CRY2: variants seen among roughly 807,000 people sequenced by gnomAD.
CRY2 encodes cryptochrome-2.
A neutral mutation model predicts 69.5 loss-of-function variants in CRY2; 31 were observed. The observed-to-expected ratio is 0.45, with a 90% confidence interval of 0.34 to 0.60. The LOEUF (loss-of-function observed/expected upper bound fraction) is 0.60, where lower values mean the gene tolerates loss of function less well. Among genes scored for constraint, CRY2 ranks in the 20% least tolerant of loss-of-function variants. The pLI is 0.02. For synonymous variants in CRY2, 303 were observed against 312.2 expected (o/e 0.97, Z 0.31); for missense variants, 606 against 797.8 (o/e 0.76, Z 2.90).
At chr11:45,869,060 C>A (rs990430671) in intron 6 of CRY2, among the ~76,000 whole-genome samples, 1 of 152,214 alleles carries the variant, frequency 6.6e-6, no homozygotes, top group Admixed American at 6.5e-5. Context: ...GGTCTGATTT[C>A]TTAATTACCT....
chr11:45,856,178 G>A (rs2086237792), intron 2 of CRY2, 88 bp downstream of exon 2: 2 of 1,122,340 alleles, frequency 1.8e-6, no homozygotes, highest in East Asian at 4.8e-5. Context: ...TCCGACTGAG[G>A]GAATGGAAAC....
chr11:45,864,316 AATAAC>A (rs1454098718), intron 5 of CRY2, among the ~76,000 whole-genome samples: 1 of 152,204 alleles, frequency 6.6e-6, no homozygotes, highest in East Asian at 1.9e-4. Flanking sequence ...AAGAAAATTA[AATAAC>A]ATATTAAAGT....
At chr11:45,861,957 C>T (rs764016061) in intron 4 of CRY2, 103 bp from the exon 5 acceptor site, 76 of 963,784 alleles carry the variant, frequency 7.9e-5, no homozygotes, top group Non-Finnish European at 1.1e-4. Flanking sequence ...AGCACCGAGA[C>T]ACTGTGGTTC....
chr11:45,857,768 C>G (rs2086253329), intron 2 of CRY2, among the ~76,000 whole-genome samples: 2 of 152,170 alleles, frequency 1.3e-5, no homozygotes. Flanking sequence ...AATGAGTATT[C>G]AGTGATGTAA....
chr11:45,869,615 A>G lies in CRY2; in HGVS notation c.992A>G (p.Asn331Ser), dbSNP rs1278686046. The G allele has an allele frequency of 6.2e-7, 1 of 1,614,098 alleles. No homozygotes were observed. Among genetic ancestry groups the G allele is most frequent in the East Asian group, 2.2e-5 (1 of 44,900 alleles). ...NNPRFDRMEG[N>S]PICIQIPWDR... The stretch of plus-strand genomic sequence containing the variant: ...CCCAGGTTTGACCGCATGGAGGGGA[A>G]CCCCATCTGCATCCAGATCCCCTGG... Residue 331 changes from asparagine (N) to serine (S), a missense_variant, in exon 7 of 12, where the codon AAC becomes AGC. By Grantham distance (46) the Asn-to-Ser change is conservative. Around this residue, in one of 5 missense-constraint regions of CRY2, gnomAD observed 382 missense variants for 508.9 expected, o/e 0.75. Transcript: ENST00000616080.
chr11:45,877,464 C>T (rs1343307876), intron 11 of CRY2, among the ~76,000 whole-genome samples: 2 of 152,236 alleles, frequency 1.3e-5, no homozygotes, highest in Non-Finnish European at 2.9e-5. Flanking sequence ...CAGACTTATA[C>T]ACTTGGGTTC....
intron 5 of CRY2, 92 bp from the exon 6 acceptor site, chr11:45,867,520 C>A: frequency 6.5e-7 from 1 of 1,532,382 alleles, no homozygotes; most frequent in South Asian, 1.2e-5. Context: ...TGTTCTGTGA[C>A]CGTAGGCAGA....
At chr11:45,876,265 C>T (rs1442571506) in intron 11 of CRY2, among the ~76,000 whole-genome samples, 1 of 152,172 alleles carries the variant, frequency 6.6e-6, no homozygotes. Flanking sequence ...TTTCTAATGC[C>T]TCAGGCCTGT....
intron 4 of CRY2, 101 bp from the exon 5 acceptor site, chr11:45,861,959 C>T: frequency 1.0e-6 from 1 of 1,001,974 alleles, no homozygotes; most frequent in Admixed American, 2.4e-5. Flanking sequence ...CACCGAGACA[C>T]TGTGGTTCAA....
At chr11:45,847,330 C>T (rs1352178260), upstream of CRY2, 3 of 1,588,988 alleles carry the variant, frequency 1.9e-6, no homozygotes, top group South Asian at 1.1e-5. Flanking sequence ...GGGCCAATCG[C>T]CAGGTGGAAG....
chr11:45,856,110 G>C lies in CRY2; in HGVS notation c.324+20G>C, dbSNP rs2086237055. 1.3e-6 allele frequency: 2 copies of C among 1,578,998 alleles called. No individual in the cohort carries two copies. The highest frequency in any genetic ancestry group is 2.2e-5 in the South Asian group (2 of 90,310). ...TTCAAGGTAAGCGTGCAGAGCCCCA[G>C]AGAAGACAGTGAGATTCTGTCCCTG... is the stretch of plus-strand genomic sequence containing the variant. On this transcript the variant is annotated intron_variant, in intron 2 of 11. Coordinates refer to ENST00000616080, the MANE Select transcript of CRY2 (RefSeq NM_021117.5).
intron 2 of CRY2, among the ~76,000 whole-genome samples, chr11:45,857,718 GA>G (rs1204047541): frequency 6.6e-6 from 1 of 152,216 alleles, no homozygotes; most frequent in African/African-American, 2.4e-5. Context: ...AGGCTTCTTG[GA>G]GAAAATGTAA....
At chr11:45,869,922 G>C (rs1439095141) in intron 7 of CRY2, 105 bp downstream of exon 7, 1 of 1,516,418 alleles carries the variant, frequency 6.6e-7, no homozygotes, top group Non-Finnish European at 8.8e-7. Context: ...CTGGGTCCAG[G>C]AGATCCCCTC....
intron 5 of CRY2, 141 bp from the exon 6 acceptor site, chr11:45,867,471 G>A (rs937691388): frequency 1.8e-5 from 19 of 1,029,124 alleles, no homozygotes; most frequent in Admixed American, 7.2e-5. Context: ...TCTCAAAATC[G>A]GCTGGACAAG....
chr11:45,868,923 TG>T (rs1262308780), intron 6 of CRY2, among the ~76,000 whole-genome samples: 1 of 152,206 alleles, frequency 6.6e-6, no homozygotes, highest in Non-Finnish European at 1.5e-5. Context: ...CCACCACACC[TG>T]GCTGTATCTA....
intron 3 of CRY2, 126 bp downstream of exon 3, chr11:45,858,999 G>A: frequency 8.5e-7 from 1 of 1,176,272 alleles, no homozygotes; most frequent in Non-Finnish European, 1.2e-6. Flanking sequence ...GCATCTTCTA[G>A]AAGCTGGAGG....
Position 45,869,658 on chromosome 11 carries a change from C to G in CRY2, c.1035C>G (p.Ala345=), listed in dbSNP as rs148406434. The G allele has an allele frequency of 4.0e-5, 64 of 1,614,252 alleles. No homozygotes were observed. In the African/African-American group the frequency reaches 5.6e-4, roughly 14 times the overall value. Residue 345 remains alanine, a synonymous_variant, in exon 7 of 12, where the codon GCC becomes GCG. Coordinates refer to ENST00000616080, the MANE Select transcript of CRY2 (RefSeq NM_021117.5). ...TCCCCTGGGACCGCAATCCTGAGGC[C>G]CTGGCCAAGTGGGCTGAGGGCAAGA... The part of the protein sequence containing the change: ...IQIPWDRNPE[A]LAKWAEGKTG...
At chr11:45,865,021 A>G (rs1282215944) in intron 5 of CRY2, among the ~76,000 whole-genome samples, 2 of 151,146 alleles carry the variant, frequency 1.3e-5, no homozygotes, top group East Asian at 2.0e-4. Context: ...CAGCCTCCCA[A>G]AGTGCTGGAA....
At chr11:45,878,328 C>T (rs185516016) in intron 11 of CRY2, among the ~76,000 whole-genome samples, 4 of 152,288 alleles carry the variant, frequency 2.6e-5, no homozygotes, top group Admixed American at 2.6e-4. Flanking sequence ...TCTTTATCTT[C>T]CCCCATCCCT....
Sources: gnomAD v4.1 joint callset for allele counts (sites outside exome capture counted in the v4.1 genomes callset) on GRCh38, gnomAD v4.1.1 for gene constraint, gnomAD v4.1.1 regional missense constraint, MANE v1.5 for transcripts, NCBI Gene and HGNC (gene_info 2026-07-23, HGNC 2026-07-21) for gene names.